Variants in CLASP1 observed in about 807,000 individuals in gnomAD.
The protein encoded by CLASP1 is CLIP-associating protein 1.
A neutral mutation model predicts 192.3 loss-of-function variants in CLASP1; 38 were observed. The ratio of observed to expected loss-of-function variants is 0.20; its 90% confidence interval spans 0.15 to 0.26. CLASP1 has a LOEUF of 0.26. Ranked by LOEUF, CLASP1 falls within the 10% of genes least tolerant of loss-of-function variation. CLASP1 has a pLI of 1.00. For synonymous variants in CLASP1, 691 were observed against 712.8 expected, an observed-to-expected ratio of 0.97 and a Z score of 0.49; for missense variants, 1,433 against 1,932.5, an observed-to-expected ratio of 0.74 and a Z score of 4.85.
intron 31 of CLASP1, 75 bp from the exon 33 acceptor site, chr2:121,387,303 T>C: frequency 9.6e-7 from 1 of 1,043,052 alleles, no homozygotes; most frequent in Non-Finnish European, 1.3e-6. Context: ...CTTGGTCTTT[T>C]AACCCACATG....
chr2:121,488,477 T>A (rs1020244813), intron 8 of CLASP1, among the ~76,000 whole-genome samples: 5 of 152,206 alleles, frequency 3.3e-5, no homozygotes, highest in African/African-American at 1.2e-4. Flanking sequence ...GTGGCACTCA[T>A]ACCCAGTCTG....
At chr2:121,617,095 GCA>G (rs765513832) in intron 1 of CLASP1, among the ~76,000 whole-genome samples, 4 of 152,190 alleles carry the variant, frequency 2.6e-5, no homozygotes, top group Non-Finnish European at 4.4e-5. Flanking sequence ...ACTAAGCTAA[GCA>G]CCAAGCAGCT....
chr2:121,375,996 A>G (rs2070022979), intron 34 of CLASP1, among the ~76,000 whole-genome samples: 1 of 152,242 alleles, frequency 6.6e-6, no homozygotes, highest in South Asian at 2.1e-4. Context: ...GCCTCTTAAT[A>G]CTATTTTATG....
chr2:121,565,931 C>G (rs533475243), intron 2 of CLASP1, among the ~76,000 whole-genome samples: 9 of 152,104 alleles, frequency 5.9e-5, no homozygotes, highest in African/African-American at 2.2e-4. Flanking sequence ...ATCTCTTTTC[C>G]GAAGAGAAAA....
intron 12 of CLASP1, among the ~76,000 whole-genome samples, 176 bp from the exon 13 acceptor site, chr2:121,459,151 G>T (rs982047016): frequency 3.4e-5 from 5 of 146,500 alleles, no homozygotes; most frequent in African/African-American, 5.0e-5. Context: ...AAGTTTTGTT[G>T]TTTTTTTTTT....
At chr2:121,559,123 C>G (rs2058845984) in intron 2 of CLASP1, among the ~76,000 whole-genome samples, 1 of 152,182 alleles carries the variant, frequency 6.6e-6, no homozygotes, top group South Asian at 2.1e-4. Context: ...GTGCAAACAA[C>G]ATGGCTCATG....
intron 7 of CLASP1, among the ~76,000 whole-genome samples, chr2:121,515,355 C>G (rs934799404): frequency 6.6e-6 from 1 of 152,098 alleles, no homozygotes; most frequent in African/African-American, 2.4e-5. Flanking sequence ...GATATAGATA[C>G]AGAATCATAG....
At chr2:121,409,067 GA>G in intron 24 of CLASP1, 1 of 1,554,244 alleles carries the variant, frequency 6.4e-7, no homozygotes, top group Non-Finnish European at 8.7e-7. Context: ...GGAAAATATT[GA>G]AGGATGGGGA....
intron 28 of CLASP1, 41 bp from the exon 30 acceptor site, chr2:121,398,441 T>G: frequency 8.3e-6 from 11 of 1,321,276 alleles, no homozygotes; most frequent in Non-Finnish European, 1.2e-5. Context: ...TAAAGAAATT[T>G]ATTACAAAAC....
intron 9 of CLASP1, among the ~76,000 whole-genome samples, chr2:121,467,905 G>C (rs2089966041): frequency 6.6e-6 from 1 of 152,016 alleles, no homozygotes; most frequent in Non-Finnish European, 1.5e-5. Flanking sequence ...TTTCCTTCTA[G>C]GGTTTTATAG....
intron 32 of CLASP1, among the ~76,000 whole-genome samples, chr2:121,384,007 T>TATATACACAC (rs1159284078): frequency 7.2e-6 from 1 of 139,718 alleles, no homozygotes; most frequent in East Asian, 2.0e-4. Context: ...TATATATATA[T>TATATACACAC]ACACACACAC....
chr2:121,602,209 T>A (rs2063878819), intron 2 of CLASP1, among the ~76,000 whole-genome samples: 1 of 149,490 alleles, frequency 6.7e-6, no homozygotes, highest in Non-Finnish European at 1.5e-5. Flanking sequence ...AAGCGGCAAT[T>A]CCATTTATGA....
At chr2:121,525,635 C>T (rs1012771669) in intron 6 of CLASP1, among the ~76,000 whole-genome samples, 2 of 152,122 alleles carry the variant, frequency 1.3e-5, no homozygotes, top group African/African-American at 2.4e-5. Flanking sequence ...CTGGCCACCA[C>T]ATTTACCAAT....
chr2:121,590,559 T>C (rs1244030298), intron 2 of CLASP1, among the ~76,000 whole-genome samples: 2 of 152,204 alleles, frequency 1.3e-5, no homozygotes, highest in African/African-American at 4.8e-5. Flanking sequence ...TTTCTACAGA[T>C]ATAAACAATA....
At chr2:121,461,808 A>C (rs1212628886) in intron 10 of CLASP1, among the ~76,000 whole-genome samples, 3 of 152,126 alleles carry the variant, frequency 2.0e-5, no homozygotes, top group Non-Finnish European at 2.9e-5. Context: ...AATCTCCCGA[A>C]TAGCTAGAAC....
intron 21 of CLASP1, among the ~76,000 whole-genome samples, chr2:121,426,411 T>A (rs768938329): frequency 2.0e-5 from 3 of 151,966 alleles, no homozygotes; most frequent in Non-Finnish European, 2.9e-5. Context: ...CAGGAAGAAA[T>A]GGAAAAAGCC....
chr2:121,625,216 T>A (rs114191562), intron 1 of CLASP1, among the ~76,000 whole-genome samples: 1 of 152,212 alleles, frequency 6.6e-6, no homozygotes, highest in Non-Finnish European at 1.5e-5. Flanking sequence ...AGAAAAAAAA[T>A]TGTCAATTAT....
intron 1 of CLASP1, among the ~76,000 whole-genome samples, chr2:121,627,856 T>A (rs1318676180): frequency 1.3e-5 from 2 of 152,228 alleles, no homozygotes; most frequent in African/African-American, 4.8e-5. Flanking sequence ...AAGTGACTTG[T>A]CAGCGAAAAA....
intron 2 of CLASP1, among the ~76,000 whole-genome samples, chr2:121,535,793 G>A (rs2095050205): frequency 1.3e-5 from 2 of 151,710 alleles, no homozygotes; most frequent in Non-Finnish European, 2.9e-5. Flanking sequence ...CCAGTAGCTG[G>A]GACTACAGGC....
Sources: allele counts gnomAD v4.1 joint callset (sites outside exome capture counted in the v4.1 genomes callset), GRCh38; gene constraint gnomAD v4.1.1; transcripts MANE v1.5; gene names NCBI Gene and HGNC (gene_info 2026-07-23, HGNC 2026-07-21).